The following CAMTA1 variants were observed in gnomAD, a reference collection of about 807,000 sequenced individuals.
CAMTA1 encodes the protein calmodulin-binding transcription activator 1.
In CAMTA1, 27 loss-of-function variants were observed where a neutral mutation model predicts 170.9. The observed-to-expected ratio is 0.16, with a 90% CI of 0.12 to 0.22. The LOEUF is 0.22. Among genes scored for constraint, CAMTA1 ranks in the 10% least tolerant of loss-of-function variants. CAMTA1 has a pLI of 1.00. For synonymous variants in CAMTA1, 833 were observed against 891.5 expected (o/e 0.93, Z 1.17); for missense variants, 1,619 against 2,217.2 (o/e 0.73, Z 5.42).
intron 3 of CAMTA1, among the ~76,000 whole-genome samples, chr1:6,840,732 T>C (rs1294812789): frequency 6.6e-6 from 1 of 151,912 alleles, no homozygotes; most frequent in African/African-American, 2.4e-5. Flanking sequence ...ATGCAGAAGA[T>C]AGATGGAGAA....
chr1:7,624,732 GCA>G (rs2095621761), intron 6 of CAMTA1, among the ~76,000 whole-genome samples: 1 of 152,170 alleles, frequency 6.6e-6, no homozygotes, highest in African/African-American at 2.4e-5. Context: ...TCCTTCTGAT[GCA>G]CACTCTGCTC....
intron 3 of CAMTA1, among the ~76,000 whole-genome samples, chr1:6,956,307 T>A (rs1393134912): frequency 2.0e-5 from 3 of 152,148 alleles, no homozygotes; most frequent in African/African-American, 7.2e-5. Context: ...ACTATGTGCT[T>A]GAAGCTCATG....
intron 4 of CAMTA1, among the ~76,000 whole-genome samples, chr1:7,181,285 G>C (rs1306926873): frequency 6.6e-6 from 1 of 152,300 alleles, no homozygotes; most frequent in African/African-American, 2.4e-5. Context: ...CAGGATGCTT[G>C]TTGATGGGAA....
At chr1:7,715,225 A>G (rs1302535595) in intron 11 of CAMTA1, among the ~76,000 whole-genome samples, 2 of 152,200 alleles carry the variant, frequency 1.3e-5, no homozygotes, top group Non-Finnish European at 2.9e-5. Flanking sequence ...GGAAGAGCAG[A>G]GAACAGACTA....
At chr1:6,902,078 A>AC (rs1553180479) in intron 3 of CAMTA1, among the ~76,000 whole-genome samples, 2 of 86,494 alleles carry the variant, frequency 2.3e-5, no homozygotes, top group Non-Finnish European at 5.6e-5. Flanking sequence ...CACACAAAAA[A>AC]AAAAATAAAA....
intron 3 of CAMTA1, among the ~76,000 whole-genome samples, chr1:7,049,017 G>A (rs926197757): frequency 3.9e-5 from 6 of 152,300 alleles, no homozygotes; most frequent in East Asian, 1.9e-4. Context: ...AGTACAATGC[G>A]TGGCTTCATT....
At chr1:7,397,070 G>C (rs913909374) in intron 5 of CAMTA1, among the ~76,000 whole-genome samples, 3 of 152,112 alleles carry the variant, frequency 2.0e-5, no homozygotes, top group African/African-American at 7.2e-5. Flanking sequence ...GAAAACATTG[G>C]TAATAGTTAT....
intron 5 of CAMTA1, among the ~76,000 whole-genome samples, chr1:7,366,296 A>T (rs2085960690): frequency 6.6e-6 from 1 of 152,064 alleles, no homozygotes; most frequent in Non-Finnish European, 1.5e-5. Flanking sequence ...TGTCCTCCTC[A>T]TTGCCTGCCC....
At position 6,984,511 on chromosome 1, in the gene CAMTA1, G is replaced by A. The variant is rs1695035757; in HGVS notation, c.235-106793G>A. ...GGGCTGAAATCCCAGCTAGTCAGGA[G>A]GCTAAGACAGGGGAATCACTTGAAC... On this transcript the variant is annotated intron_variant, in intron 3 of 22. Coordinates refer to ENST00000303635, the MANE Select transcript of CAMTA1 (RefSeq NM_015215.4). Among the ~76,000 whole-genome samples the A allele has an allele frequency of 2.6e-5, 4 of 152,114 alleles. No individual in the cohort carries two copies. In the South Asian group the frequency reaches 8.3e-4, roughly 32 times the overall value.
At chr1:7,198,287 A>AGGTG (rs1558236320) in intron 4 of CAMTA1, among the ~76,000 whole-genome samples, 1 of 151,960 alleles carries the variant, frequency 6.6e-6, no homozygotes, top group African/African-American at 2.4e-5. Context: ...GGAGGCCTGG[A>AGGTG]GGTGGGCTCA....
rs575168009 is a variant in CAMTA1, at chr1:7,356,777, T to C, written c.438+107151T>C. On this transcript the variant is annotated intron_variant, in intron 5 of 22. Coordinates refer to ENST00000303635, the MANE Select transcript of CAMTA1 (RefSeq NM_015215.4). ...GGAATCATTTAGACACAAGTTTAAA[T>C]CCTGCCTCTTCCATCTACTGACCAA... Among the ~76,000 whole-genome samples, 100 of 152,330 alleles carry C rather than the reference T, an allele frequency of 6.6e-4. 2 individuals carry two copies. In the South Asian group the frequency reaches 9.7e-3, roughly 15 times the overall value.
At position 7,504,631 on chromosome 1, in the gene CAMTA1, G is replaced by A. The variant is rs557888351; in HGVS notation, c.510+36730G>A. Among the ~76,000 whole-genome samples, 3 of 152,384 alleles carry A rather than the reference G, an allele frequency of 2.0e-5. No homozygotes were observed. In the South Asian group the frequency reaches 6.2e-4, roughly 32 times the overall value. On this transcript the variant is annotated intron_variant, in intron 6 of 22. Transcript: ENST00000303635. The stretch of plus-strand genomic sequence containing the variant: ...CCACCTGCAAGAGGGAAGAGGTTGG[G>A]GATGCACCAAAGATGCCCACAGCCA...
At chr1:7,246,494 A>G (rs1665798395) in intron 4 of CAMTA1, among the ~76,000 whole-genome samples, 1 of 151,730 alleles carries the variant, frequency 6.6e-6, no homozygotes, top group African/African-American at 2.4e-5. Flanking sequence ...CTGCAATTCC[A>G]TTCCTGTTTT....
intron 5 of CAMTA1, among the ~76,000 whole-genome samples, chr1:7,434,847 C>T (rs2092295355): frequency 6.7e-6 from 1 of 149,658 alleles, no homozygotes; most frequent in South Asian, 2.1e-4. Flanking sequence ...TTGAGACCAA[C>T]CTGGGCAACA....
chr1:7,162,169 G>T (rs1232204345), intron 4 of CAMTA1, among the ~76,000 whole-genome samples: 2 of 152,132 alleles, frequency 1.3e-5, no homozygotes, highest in Non-Finnish European at 2.9e-5. Flanking sequence ...AGAAAGCAGG[G>T]AGCTGTCAGG....
intron 3 of CAMTA1, among the ~76,000 whole-genome samples, chr1:7,071,767 C>G (rs1414488118): frequency 6.6e-6 from 1 of 152,174 alleles, no homozygotes; most frequent in Non-Finnish European, 1.5e-5. Flanking sequence ...GAAGGAGGCT[C>G]TAAAAGTGGA....
chr1:7,039,465 A>T (rs185562649), intron 3 of CAMTA1, among the ~76,000 whole-genome samples: 27 of 152,276 alleles, frequency 1.8e-4, no homozygotes, highest in Admixed American at 1.7e-3. Flanking sequence ...GAGGACTCTG[A>T]ATTAAAATTA....
chr1:6,960,261 AG>A (rs1690145172), intron 3 of CAMTA1, among the ~76,000 whole-genome samples: 1 of 152,204 alleles, frequency 6.6e-6, no homozygotes, highest in Non-Finnish European at 1.5e-5. Flanking sequence ...TCCTGGGGGC[AG>A]AGAGCAGTTA....
chr1:7,401,422 G>A lies in CAMTA1; in HGVS notation c.439-66408G>A, dbSNP rs111437506. On this transcript the variant is annotated intron_variant, in intron 5 of 22. Transcript: ENST00000303635. ...TTATTATGGTAAGTCTTGAAATCAC[G>A]TAGAATGTCTTCCAACTTCATTCTT... is the stretch of plus-strand genomic sequence containing the variant. Among the ~76,000 whole-genome samples the A allele has an allele frequency of 6.0e-3, 916 of 152,146 alleles. 7 individuals are homozygous for A. Among genetic ancestry groups the A allele is most frequent in the African/African-American group, 0.021 (874 of 41,508 alleles).
Sources: gnomAD v4.1 joint callset for allele counts (sites outside exome capture counted in the v4.1 genomes callset) on GRCh38, gnomAD v4.1.1 for gene constraint, MANE v1.5 for transcripts, NCBI Gene and HGNC (gene_info 2026-07-23, HGNC 2026-07-21) for gene names.